OSBP2: variants seen among roughly 807,000 people sequenced by gnomAD.
OSBP2 encodes the protein oxysterol-binding protein 2.
In OSBP2, 66 loss-of-function variants were observed where a neutral mutation model predicts 96.0. The observed-to-expected ratio is 0.69, with a 90% CI of 0.56 to 0.84. OSBP2 has a LOEUF of 0.84. Among genes scored for constraint, OSBP2 ranks in the 40% least tolerant of loss-of-function variants. The probability of loss-of-function intolerance (pLI) is 0.00; values close to 1 mark genes in which losing one functional copy is unlikely to be tolerated. For missense variants in OSBP2, 1,038 were observed against 1,222.7 expected, an observed-to-expected ratio of 0.85 and a Z score of 2.25; for synonymous variants, 525 against 520.9, an observed-to-expected ratio of 1.01 and a Z score of -0.11.
intron 1 of OSBP2, among the ~76,000 whole-genome samples, chr22:30,721,227 A>G (rs2089544498): frequency 6.6e-6 from 1 of 152,156 alleles, no homozygotes; most frequent in Non-Finnish European, 1.5e-5. Context: ...CTCCATCTAA[A>G]AAAACCAAAC....
In OSBP2 at chr22:30,893,455, G is replaced by T; in HGVS notation, c.1991-8G>T. On this transcript the variant is annotated splice_region_variant and splice_polypyrimidine_tract_variant and intron_variant, in intron 9 of 13. Transcript: ENST00000332585. ...GGGCATGACCTCTGACCTGTCCCCT[G>T]CCTCCAGGTGCCATCCACTTAGAAT... 1 of 1,611,540 alleles carries T rather than the reference G, an allele frequency of 6.2e-7. No individual in the cohort carries two copies.
chr22:30,706,116 C>G lies in OSBP2; in HGVS notation c.644+10563C>G, dbSNP rs193025881. Among the ~76,000 whole-genome samples, 456 of 152,268 alleles carry G rather than the reference C, an allele frequency of 3.0e-3. 1 individual carries two copies. Among genetic ancestry groups the G allele is most frequent in the African/African-American group, 0.01 (424 of 41,530 alleles). ...TCCCTGGATGACTGCTGGATGCTGACACGTGGAGAGAGGAGATGGTAAGAA... is the reference window on the plus strand; with the variant it reads ...TCCCTGGATGACTGCTGGATGCTGAGACGTGGAGAGAGGAGATGGTAAGAA... On this transcript the variant is annotated intron_variant, in intron 1 of 13. Coordinates refer to ENST00000332585, the MANE Select transcript of OSBP2 (RefSeq NM_030758.4).
At chr22:30,725,175 C>CAAA (rs373104187) in intron 1 of OSBP2, among the ~76,000 whole-genome samples, 2 of 120,900 alleles carry the variant, frequency 1.7e-5, no homozygotes, top group African/African-American at 6.1e-5. Context: ...GACTCTGTCT[C>CAAA]AAAAACAAAA....
chr22:30,724,866 G>A (rs1227890022), intron 1 of OSBP2, among the ~76,000 whole-genome samples: 1 of 152,152 alleles, frequency 6.6e-6, no homozygotes, highest in African/African-American at 2.4e-5. Context: ...AGAGCCCTGT[G>A]CTGGTGGCAA....
At chr22:30,892,171 G>A (rs2039963796) in intron 8 of OSBP2, among the ~76,000 whole-genome samples, 10 of 152,094 alleles carry the variant, frequency 6.6e-5, no homozygotes, top group Admixed American at 6.6e-4. Flanking sequence ...GGCAGGAAGG[G>A]TTTGCTTAGG....
At chr22:30,787,648 G>C (rs2090611973) in intron 2 of OSBP2, among the ~76,000 whole-genome samples, 1 of 152,104 alleles carries the variant, frequency 6.6e-6, no homozygotes, top group Non-Finnish European at 1.5e-5. Flanking sequence ...ACTCCAGCCT[G>C]GGTAACAGAA....
At chr22:30,788,766 G>A (rs1303167568) in intron 2 of OSBP2, among the ~76,000 whole-genome samples, 2 of 152,144 alleles carry the variant, frequency 1.3e-5, no homozygotes, top group African/African-American at 4.8e-5. Flanking sequence ...AGGCTGGAGT[G>A]CAGTGGCACC....
intron 2 of OSBP2, among the ~76,000 whole-genome samples, chr22:30,795,039 A>G (rs918156302): frequency 6.6e-6 from 1 of 151,006 alleles, no homozygotes; most frequent in Non-Finnish European, 1.5e-5. Context: ...CCTCCCAAGT[A>G]GCTGGGACTA....
chr22:30,900,403 G>A (rs1224395473), intron 12 of OSBP2, among the ~76,000 whole-genome samples: 1 of 152,042 alleles, frequency 6.6e-6, no homozygotes, highest in Non-Finnish European at 1.5e-5. Flanking sequence ...AATGTTCACG[G>A]ATAGAAAGTA....
chr22:30,900,345 C>T (rs561881382), intron 12 of OSBP2, among the ~76,000 whole-genome samples: 1 of 151,480 alleles, frequency 6.6e-6, no homozygotes, highest in Non-Finnish European at 1.5e-5. Context: ...CATTATACAG[C>T]TTTAATAAGA....
chr22:30,762,331 C>T (rs1297336834), intron 2 of OSBP2, among the ~76,000 whole-genome samples: 1 of 152,172 alleles, frequency 6.6e-6, no homozygotes, highest in African/African-American at 2.4e-5. Context: ...GGGTGGACCA[C>T]GAGGTCAGGA....
chr22:30,893,518 C>A lies in OSBP2; in HGVS notation c.2046C>A (p.Ser682Arg), dbSNP rs2039999874. 3 of 1,614,054 alleles carry A rather than the reference C, an allele frequency of 1.9e-6. No homozygotes were observed. The highest frequency in any genetic ancestry group is 1.3e-5 in the African/African-American group (1 of 74,938). Residue 682 changes from serine (S) to arginine (R), a missense_variant, in exon 10 of 14, where the codon AGC becomes AGA. Around this residue, in one of 3 missense-constraint regions of OSBP2, gnomAD observed 737 missense variants for 913.3 expected, o/e 0.81. Coordinates refer to ENST00000332585, the MANE Select transcript of OSBP2 (RefSeq NM_030758.4). The stretch of plus-strand genomic sequence containing the variant: ...GGAATCACTACGTGTGGAGGAAGAG[C>A]ACCTCAACTGTTCACAACATCATCG... ...ASGNHYVWRK[S>R]TSTVHNIIVG...
At chr22:30,700,181 A>G (rs1602139527) in intron 1 of OSBP2, among the ~76,000 whole-genome samples, 1 of 151,862 alleles carries the variant, frequency 6.6e-6, no homozygotes, top group African/African-American at 2.4e-5. Context: ...GGCCAAGCTG[A>G]TCTCAAACTC....
intron 2 of OSBP2, among the ~76,000 whole-genome samples, chr22:30,784,537 G>A (rs1236368558): frequency 2.0e-5 from 3 of 152,074 alleles, no homozygotes; most frequent in Non-Finnish European, 4.4e-5. Flanking sequence ...GAGATTACAG[G>A]GATGAGTCAC....
intron 2 of OSBP2, among the ~76,000 whole-genome samples, chr22:30,782,609 T>G (rs2090533045): frequency 6.6e-6 from 1 of 152,194 alleles, no homozygotes; most frequent in African/African-American, 2.4e-5. Context: ...GTGTGTTGCT[T>G]TTTATTGCTG....
At chr22:30,694,546 G>A (rs1569084625), upstream of OSBP2, among the ~76,000 whole-genome samples, 1 of 152,138 alleles carries the variant, frequency 6.6e-6, no homozygotes, top group African/African-American at 2.4e-5. Flanking sequence ...GGGAGCTGGC[G>A]GGCTCCGCAT....
At chr22:30,888,880 A>G (rs1158432293) in intron 5 of OSBP2, among the ~76,000 whole-genome samples, 1 of 152,240 alleles carries the variant, frequency 6.6e-6, no homozygotes, top group East Asian at 1.9e-4. Flanking sequence ...AACCTGTACA[A>G]CATGTGACTG....
chr22:30,849,007 C>G (rs973156335), intron 2 of OSBP2, among the ~76,000 whole-genome samples: 1 of 152,122 alleles, frequency 6.6e-6, no homozygotes, highest in Admixed American at 6.6e-5. Context: ...TGGCTCATGC[C>G]TGTAATCCTA....
chr22:30,736,765 C>CT (rs1010871784), intron 1 of OSBP2, among the ~76,000 whole-genome samples: 4 of 152,200 alleles, frequency 2.6e-5, no homozygotes, highest in Non-Finnish European at 4.4e-5. Context: ...CCATTAGTCT[C>CT]TTTTTTTCTA....
Sources: gnomAD v4.1 joint callset for allele counts (sites outside exome capture counted in the v4.1 genomes callset) on GRCh38, gnomAD v4.1.1 for gene constraint, gnomAD v4.1.1 regional missense constraint, MANE v1.5 for transcripts, NCBI Gene and HGNC (gene_info 2026-07-23, HGNC 2026-07-21) for gene names.